Variants in CRACDL observed in about 807,000 individuals in gnomAD.
CRACDL encodes the protein CRACD-like protein.
Under a neutral mutation model 70.6 loss-of-function variants are expected in CRACDL, and 26 were observed. The ratio of observed to expected loss-of-function variants is 0.37; its 90% CI spans 0.27 to 0.51. The LOEUF is 0.51. Ranked by LOEUF, CRACDL falls within the 20% of genes least tolerant of loss-of-function variation. The probability of loss-of-function intolerance (pLI) is 0.94; values close to 1 mark genes in which losing one functional copy is unlikely to be tolerated. For synonymous variants in CRACDL, 618 were observed against 615.2 expected, an observed-to-expected ratio of 1.00 and a Z score of -0.07; for missense variants, 1,283 against 1,376.9, an observed-to-expected ratio of 0.93 and a Z score of 1.08.
intron 1 of CRACDL, among the ~76,000 whole-genome samples, chr2:98,900,207 G>A (rs1453813606): frequency 3.6e-5 from 5 of 140,452 alleles, no homozygotes; most frequent in African/African-American, 5.2e-5. Context: ...CAGGGGGACA[G>A]AGGCTCAGTG....
intron 1 of CRACDL, among the ~76,000 whole-genome samples, chr2:98,865,031 T>C (rs1190351719): frequency 6.6e-6 from 1 of 151,940 alleles, no homozygotes; most frequent in East Asian, 1.9e-4. Flanking sequence ...AGACTGGAGG[T>C]GCAGGCAGGA....
At chr2:98,897,609 T>C (rs1708162294) in intron 1 of CRACDL, 1 of 265,332 alleles carries the variant, frequency 3.8e-6, no homozygotes, top group African/African-American at 2.2e-5. Flanking sequence ...TTATTTTCAT[T>C]ATTTACAAAC....
At chr2:98,869,004 C>T (rs1707246539) in intron 1 of CRACDL, 8 of 955,608 alleles carry the variant, frequency 8.4e-6, no homozygotes, top group East Asian at 6.1e-5. Context: ...GCCACCCACG[C>T]CCCGGGAGTC....
At chr2:98,803,086 G>A (rs760674911) in intron 7 of CRACDL, among the ~76,000 whole-genome samples, 26 of 146,728 alleles carry the variant, frequency 1.8e-4, no homozygotes, top group African/African-American at 6.3e-4. Context: ...TGCAAGCTCC[G>A]CCTCCTGGGT....
chr2:98,830,865 C>T (rs529513616), intron 5 of CRACDL, among the ~76,000 whole-genome samples: 4 of 152,216 alleles, frequency 2.6e-5, no homozygotes, highest in African/African-American at 9.6e-5. Flanking sequence ...TGGCTAAAGG[C>T]AGAGAACTGG....
intron 1 of CRACDL, among the ~76,000 whole-genome samples, chr2:98,854,053 G>T (rs1011475150): frequency 6.6e-6 from 1 of 152,154 alleles, no homozygotes; most frequent in African/African-American, 2.4e-5. Context: ...GGAGGCCGAG[G>T]TGGGTGGATC....
At chr2:98,926,043 TTA>T (rs1708902605) in intron 1 of CRACDL, among the ~76,000 whole-genome samples, 1 of 152,212 alleles carries the variant, frequency 6.6e-6, no homozygotes, top group African/African-American at 2.4e-5. Flanking sequence ...TTTTATATGA[TTA>T]GAAGAATTGA....
At chr2:98,869,408 G>C in intron 1 of CRACDL, 1 of 573,932 alleles carries the variant, frequency 1.7e-6, no homozygotes, top group Non-Finnish European at 2.5e-6. Context: ...TCCACTCCAA[G>C]CCCTGAAGGC....
chr2:98,932,258 C>A (rs1208505327), intron 1 of CRACDL, among the ~76,000 whole-genome samples: 4 of 152,206 alleles, frequency 2.6e-5, no homozygotes. Flanking sequence ...GCCGGGCCGG[C>A]CTGTCTCCCT....
chr2:98,928,204 A>T (rs1558643894), intron 1 of CRACDL, among the ~76,000 whole-genome samples: 1 of 152,130 alleles, frequency 6.6e-6, no homozygotes. Context: ...AATAAATAAA[A>T]ATAAAAAAAA....
At chr2:98,929,624 G>T (rs1361354738) in intron 1 of CRACDL, among the ~76,000 whole-genome samples, 1 of 152,088 alleles carries the variant, frequency 6.6e-6, no homozygotes, top group Non-Finnish European at 1.5e-5. Flanking sequence ...GAATGCCCCA[G>T]GCACGGCAGG....
intron 1 of CRACDL, among the ~76,000 whole-genome samples, chr2:98,912,211 T>C (rs1708560872): frequency 6.6e-6 from 1 of 152,250 alleles, no homozygotes; most frequent in African/African-American, 2.4e-5. Flanking sequence ...TATATTAAAG[T>C]ACCTGTGCTA....
At chr2:98,926,857 C>T (rs1047887483) in intron 1 of CRACDL, among the ~76,000 whole-genome samples, 8 of 152,198 alleles carry the variant, frequency 5.3e-5, no homozygotes, top group Non-Finnish European at 1.2e-4. Flanking sequence ...TCAACACGGC[C>T]AGGAAAGGGG....
chr2:98,858,852 T>C (rs979114576), intron 1 of CRACDL, among the ~76,000 whole-genome samples: 1 of 152,146 alleles, frequency 6.6e-6, no homozygotes, highest in Admixed American at 6.5e-5. Context: ...TAAGGGAATA[T>C]TATGTATTAC....
chr2:98,880,564 G>A (rs973431868), intron 1 of CRACDL, among the ~76,000 whole-genome samples: 1 of 152,204 alleles, frequency 6.6e-6, no homozygotes, highest in Non-Finnish European at 1.5e-5. Flanking sequence ...TCCTACAGAC[G>A]ATAGGATGGA....
At chr2:98,868,565 T>C (rs1221862838) in intron 1 of CRACDL, among the ~76,000 whole-genome samples, 1 of 152,224 alleles carries the variant, frequency 6.6e-6, no homozygotes, top group Non-Finnish European at 1.5e-5. Flanking sequence ...TGTCTCTGTG[T>C]AGGGCCCCTG....
chr2:98,827,211 C>T (rs777490072), intron 5 of CRACDL, 42 bp from the exon 6 acceptor site: 9 of 1,453,072 alleles, frequency 6.2e-6, no homozygotes, highest in African/African-American at 1.4e-5. Context: ...ATGAACTTCA[C>T]CGTGTGAAAT....
intron 1 of CRACDL, among the ~76,000 whole-genome samples, chr2:98,854,161 AGTCC>A (rs1207482397): frequency 2.0e-5 from 3 of 151,436 alleles, no homozygotes; most frequent in Non-Finnish European, 4.4e-5. Flanking sequence ...GGGCACCTGT[AGTCC>A]CAGTATTCGG....
chr2:98,859,074 C>T (rs1429232451), intron 1 of CRACDL, among the ~76,000 whole-genome samples: 1 of 152,152 alleles, frequency 6.6e-6, no homozygotes, highest in Non-Finnish European at 1.5e-5. Context: ...TTAACAGAAA[C>T]CTTTCCCTTC....
Sources: allele counts gnomAD v4.1 joint callset (sites outside exome capture counted in the v4.1 genomes callset), GRCh38; gene constraint gnomAD v4.1.1; transcripts MANE v1.5; gene names NCBI Gene and HGNC (gene_info 2026-07-23, HGNC 2026-07-21).